Variants in SKAP1 observed in about 807,000 individuals in gnomAD.
The protein encoded by SKAP1 is src kinase-associated phosphoprotein 1.
A neutral mutation model predicts 58.5 loss-of-function variants in SKAP1; 44 were observed. That is an observed-to-expected ratio of 0.75 (90% CI 0.59 to 0.97). The LOEUF (loss-of-function observed/expected upper bound fraction) is 0.97, where lower values mean the gene tolerates loss of function less well. SKAP1 is among the 50% of genes least tolerant of loss of function. The pLI is 0.00. For missense variants in SKAP1, 390 were observed against 435.2 expected (o/e 0.90, Z 0.92); for synonymous variants, 127 against 149.7 (o/e 0.85, Z 1.11).
the SKAP1 span, among the ~76,000 whole-genome samples, chr17:48,435,677 C>G: frequency 6.6e-6 from 1 of 152,132 alleles, no homozygotes; most frequent in African/African-American, 2.4e-5. Flanking sequence ...AATTTAAGTT[C>G]CCAAACCCCT....
intron 3 of SKAP1, among the ~76,000 whole-genome samples, chr17:48,355,703 TG>T (rs1011217704): frequency 3.3e-5 from 5 of 152,190 alleles, no homozygotes; most frequent in Admixed American, 6.5e-5. Flanking sequence ...GGCACATGCC[TG>T]TAATCTCAAC....
At chr17:48,313,603 C>T (rs2144189102) in intron 4 of SKAP1, among the ~76,000 whole-genome samples, 1 of 152,260 alleles carries the variant, frequency 6.6e-6, no homozygotes, top group South Asian at 2.1e-4. Flanking sequence ...TAAAGACCAA[C>T]TCTGCATTAG....
chr17:48,270,167 A>G (rs1160943949), intron 4 of SKAP1, among the ~76,000 whole-genome samples: 3 of 152,206 alleles, frequency 2.0e-5, no homozygotes, highest in Non-Finnish European at 4.4e-5. Flanking sequence ...TGAAAAACAT[A>G]GTGAAATTTT....
At chr17:48,398,184 C>G (rs1461954721) in intron 1 of SKAP1, among the ~76,000 whole-genome samples, 1 of 152,206 alleles carries the variant, frequency 6.6e-6, no homozygotes, top group Non-Finnish European at 1.5e-5. Flanking sequence ...GAAGCTTCAT[C>G]TGTATTTACA....
At chr17:48,140,318 A>G (rs2063753096) in intron 11 of SKAP1, among the ~76,000 whole-genome samples, 1 of 152,126 alleles carries the variant, frequency 6.6e-6, no homozygotes, top group African/African-American at 2.4e-5. Context: ...CTTAGTTTCT[A>G]TGATAATTAT....
At chr17:48,212,482 T>C (rs368215343) in intron 4 of SKAP1, among the ~76,000 whole-genome samples, 1 of 152,318 alleles carries the variant, frequency 6.6e-6, no homozygotes, top group African/African-American at 2.4e-5. Context: ...GTGCGCTAGC[T>C]GTTAGTGCTC....
At chr17:48,317,897 A>C (rs1295433852) in intron 4 of SKAP1, among the ~76,000 whole-genome samples, 1 of 152,212 alleles carries the variant, frequency 6.6e-6, no homozygotes. Context: ...CTTCAAGAAT[A>C]AAATAAAATG....
intron 2 of SKAP1, among the ~76,000 whole-genome samples, chr17:48,371,888 T>C (rs2067092392): frequency 6.6e-6 from 1 of 151,782 alleles, no homozygotes; most frequent in African/African-American, 2.4e-5. Flanking sequence ...TAATTCTATT[T>C]CCCAATTATA....
At chr17:48,326,580 A>G (rs1427948286) in intron 4 of SKAP1, among the ~76,000 whole-genome samples, 3 of 152,194 alleles carry the variant, frequency 2.0e-5, no homozygotes, top group African/African-American at 7.2e-5. Flanking sequence ...AAACACTTGG[A>G]CATTATAGCT....
chr17:48,258,194 G>A (rs536414145), intron 4 of SKAP1, among the ~76,000 whole-genome samples: 1 of 152,222 alleles, frequency 6.6e-6, no homozygotes, highest in South Asian at 2.1e-4. Flanking sequence ...AAATTTCAAA[G>A]ATCTCTGTTC....
chr17:48,196,728 C>A (rs766600477), intron 4 of SKAP1: 13 of 152,214 alleles, frequency 8.5e-5, no homozygotes, highest in Non-Finnish European at 8.8e-5. Flanking sequence ...TGCACAGGGG[C>A]CATGCTAATC....
chr17:48,329,971 G>A (rs73325841), intron 4 of SKAP1, among the ~76,000 whole-genome samples: 21 of 152,304 alleles, frequency 1.4e-4, no homozygotes, highest in African/African-American at 5.1e-4. Context: ...CTGGCATGTG[G>A]TAGGCATTCA....
In SKAP1 at chr17:48,339,976, T is replaced by A. The variant is rs1333060703; in HGVS notation, c.280+5929A>T. Among the ~76,000 whole-genome samples the A allele has an allele frequency of 1.1e-4, 17 of 151,928 alleles. No homozygotes were observed. In the East Asian group the frequency reaches 2.5e-3, roughly 22 times the overall value. ...GGCGGGTGGATCACGAGGTCGGGAG[T>A]TCGAGACCAGCCTGACCAACATGAT... is the stretch of plus-strand genomic sequence containing the variant. On this transcript the variant is annotated intron_variant, in intron 4 of 12. Coordinates refer to ENST00000336915, the MANE Select transcript of SKAP1 (RefSeq NM_003726.4).
intron 4 of SKAP1, among the ~76,000 whole-genome samples, chr17:48,326,225 C>T (rs1290912874): frequency 1.3e-5 from 2 of 152,198 alleles, no homozygotes; most frequent in Admixed American, 6.5e-5. Context: ...TTTGCCAGAA[C>T]TGTCTCCATA....
intron 4 of SKAP1, among the ~76,000 whole-genome samples, chr17:48,202,639 AG>A (rs1260560653): frequency 1.3e-5 from 2 of 152,220 alleles, no homozygotes; most frequent in African/African-American, 4.8e-5. Context: ...AAGATTTAGG[AG>A]GGGAAAATGA....
the SKAP1 span, among the ~76,000 whole-genome samples, chr17:48,438,588 C>T: frequency 6.6e-6 from 1 of 152,154 alleles, no homozygotes; most frequent in Non-Finnish European, 1.5e-5. Flanking sequence ...ATTCTCCCCA[C>T]CCACCTCCAG....
chr17:48,151,054 CAGA>C (rs1431827414), intron 11 of SKAP1, among the ~76,000 whole-genome samples: 2 of 126,664 alleles, frequency 1.6e-5, no homozygotes, highest in African/African-American at 6.0e-5. Flanking sequence ...CTTCCAAAGA[CAGA>C]AGGAGGAAAA....
chr17:48,259,014 T>C (rs2143919277), intron 4 of SKAP1, among the ~76,000 whole-genome samples: 1 of 152,236 alleles, frequency 6.6e-6, no homozygotes, highest in South Asian at 2.1e-4. Context: ...TTGAGTCTAG[T>C]TATATTGTAT....
chr17:48,393,262 T>C (rs2067372717), intron 2 of SKAP1, among the ~76,000 whole-genome samples: 1 of 152,220 alleles, frequency 6.6e-6, no homozygotes, highest in Non-Finnish European at 1.5e-5. Context: ...TCCGTTTTTA[T>C]TTTGTGTTAC....
Sources: gnomAD v4.1 joint callset for allele counts (sites outside exome capture counted in the v4.1 genomes callset) on GRCh38, gnomAD v4.1.1 for gene constraint, MANE v1.5 for transcripts, NCBI Gene and HGNC (gene_info 2026-07-23, HGNC 2026-07-21) for gene names.